Variants in CABIN1 observed in about 807,000 individuals in gnomAD.
CABIN1 encodes the protein calcineurin-binding protein cabin-1.
A neutral mutation model predicts 227.7 loss-of-function variants in CABIN1; 133 were observed. The observed-to-expected ratio is 0.58, with a 90% CI of 0.51 to 0.67. CABIN1 has a LOEUF of 0.67. Ranked by LOEUF, CABIN1 falls within the 30% of genes least tolerant of loss-of-function variation. The probability of loss-of-function intolerance (pLI) is 0.00; values close to 1 mark genes in which losing one functional copy is unlikely to be tolerated. For missense variants in CABIN1, 2,408 were observed against 2,852.5 expected (o/e 0.84, Z 3.55); for synonymous variants, 1,086 against 1,155.1 (o/e 0.94, Z 1.21).
At chr22:24,015,744 T>C (rs1489158167) in intron 1 of CABIN1, among the ~76,000 whole-genome samples, 1 of 151,944 alleles carries the variant, frequency 6.6e-6, no homozygotes, top group Non-Finnish European at 1.5e-5. Context: ...TCATTTGAGG[T>C]CTGGAGTTTG....
At chr22:24,059,474 G>A in intron 11 of CABIN1, 111 bp downstream of exon 11, 2 of 1,288,174 alleles carry the variant, frequency 1.6e-6, no homozygotes, top group African/African-American at 1.5e-5. Flanking sequence ...TTTTAGTGTG[G>A]CCAAGAGTCT....
At chr22:24,036,514 G>A (rs905196397) in intron 3 of CABIN1, among the ~76,000 whole-genome samples, 8 of 152,152 alleles carry the variant, frequency 5.3e-5, no homozygotes, top group African/African-American at 1.2e-4. Flanking sequence ...GTTCCCTAGT[G>A]TATTGCCCTC....
At chr22:24,066,951 GT>G in intron 15 of CABIN1, 35 bp from the exon 16 acceptor site, 2 of 1,596,890 alleles carry the variant, frequency 1.3e-6, no homozygotes, top group Non-Finnish European at 1.7e-6. Flanking sequence ...GGGCTGAGGG[GT>G]TTACCCTCAT....
chr22:24,068,880 C>T (rs950012723), intron 16 of CABIN1, among the ~76,000 whole-genome samples: 1 of 152,170 alleles, frequency 6.6e-6, no homozygotes, highest in African/African-American at 2.4e-5. Context: ...TTGTTCTACA[C>T]ACATAGCTTG....
At position 24,165,638 on chromosome 22, in the gene CABIN1, G is replaced by C; in HGVS notation, c.5007+12G>C. ...GCGAGCTCGCAGAGGTATGCCACCT[G>C]TGTCCTCCTCTCCTCCACGGCCCAT... On this transcript the variant is annotated intron_variant, in intron 31 of 36. Transcript: ENST00000263119. 6.2e-7 allele frequency: 1 copy of C among 1,607,614 alleles called. No individual in the cohort carries two copies. The highest frequency in any genetic ancestry group is 8.5e-7 in the Non-Finnish European group (1 of 1,176,420).
At chr22:24,170,518 GCCGCAGGC>G (rs1169607528) in intron 33 of CABIN1, among the ~76,000 whole-genome samples, 1 of 152,162 alleles carries the variant, frequency 6.6e-6, no homozygotes, top group Non-Finnish European at 1.5e-5. Flanking sequence ...CACTGGTATT[GCCGCAGGC>G]CCGCAGGGCC....
chr22:24,134,459 C>T, intron 29 of CABIN1, 44 bp downstream of exon 29: 1 of 1,496,840 alleles, frequency 6.7e-7, no homozygotes, highest in East Asian at 2.3e-5. Flanking sequence ...TTTGTTGCCA[C>T]TGCTTTTCAC....
At chr22:24,134,544 A>G in intron 29 of CABIN1, 129 bp downstream of exon 29, 1 of 732,964 alleles carries the variant, frequency 1.4e-6, no homozygotes, top group Non-Finnish European at 2.4e-6. Flanking sequence ...GAGGGCAGGC[A>G]GGGTGGTACA....
At chr22:24,095,682 C>T (rs989604580) in intron 24 of CABIN1, among the ~76,000 whole-genome samples, 1 of 152,224 alleles carries the variant, frequency 6.6e-6, no homozygotes, top group Non-Finnish European at 1.5e-5. Context: ...TTATTACTCT[C>T]ATCTCACTAC....
At chr22:24,110,043 C>T (rs1369002007) in intron 26 of CABIN1, among the ~76,000 whole-genome samples, 8 of 152,018 alleles carry the variant, frequency 5.3e-5, no homozygotes, top group East Asian at 1.9e-4. Flanking sequence ...TGGTGGGGCA[C>T]GCCTGTAGTC....
intron 1 of CABIN1, among the ~76,000 whole-genome samples, chr22:24,013,412 T>C (rs2034991337): frequency 6.6e-6 from 1 of 151,830 alleles, no homozygotes; most frequent in African/African-American, 2.4e-5. Flanking sequence ...TTAGCCAGGA[T>C]GGTCTTGATC....
chr22:24,175,894 G>C (rs1047219934), intron 34 of CABIN1: 4 of 640,384 alleles, frequency 6.2e-6, no homozygotes, highest in African/African-American at 3.6e-5. Context: ...GGAGCCCTCT[G>C]GGGGTGGGGA....
At chr22:24,040,378 T>C (rs1569107682) in intron 4 of CABIN1, among the ~76,000 whole-genome samples, 1 of 152,182 alleles carries the variant, frequency 6.6e-6, no homozygotes. Context: ...GTTCAGAACA[T>C]GAAGAGCAAT....
At chr22:24,072,610 T>A in intron 18 of CABIN1, 100 bp downstream of exon 18, 2 of 1,363,002 alleles carry the variant, frequency 1.5e-6, no homozygotes, top group Non-Finnish European at 2.1e-6. Context: ...ACGTTGTGAG[T>A]GGGGCTCAGT....
At chr22:24,093,726 A>G (rs1304196490) in intron 24 of CABIN1, among the ~76,000 whole-genome samples, 1 of 151,184 alleles carries the variant, frequency 6.6e-6, no homozygotes, top group Non-Finnish European at 1.5e-5. Context: ...CAAAAAATAA[A>G]AGATTAACAA....
intron 1 of CABIN1, among the ~76,000 whole-genome samples, chr22:24,022,326 G>A (rs2035782071): frequency 6.6e-6 from 1 of 152,044 alleles, no homozygotes; most frequent in Non-Finnish European, 1.5e-5. Context: ...CTATAGTTTT[G>A]TCATTTCAAG....
At chr22:24,022,974 A>C (rs757068962) in intron 1 of CABIN1, among the ~76,000 whole-genome samples, 3 of 152,232 alleles carry the variant, frequency 2.0e-5, no homozygotes, top group Non-Finnish European at 4.4e-5. Context: ...TGAACAATTC[A>C]GTGGCATAAA....
intron 15 of CABIN1, among the ~76,000 whole-genome samples, 159 bp from the exon 16 acceptor site, chr22:24,066,828 C>T (rs969238976): frequency 1.3e-5 from 2 of 152,178 alleles, no homozygotes; most frequent in Non-Finnish European, 2.9e-5. Flanking sequence ...TTAGTGTAAA[C>T]ACTGATGTAT....
intron 29 of CABIN1, chr22:24,156,384 T>G: frequency 2.2e-5 from 6 of 277,422 alleles, no homozygotes; most frequent in East Asian, 6.2e-5. Flanking sequence ...CAAGCCGGCT[T>G]GGGCGGCGGC....
Sources: gnomAD v4.1 joint callset for allele counts (sites outside exome capture counted in the v4.1 genomes callset) on GRCh38, gnomAD v4.1.1 for gene constraint, MANE v1.5 for transcripts, NCBI Gene and HGNC (gene_info 2026-07-23, HGNC 2026-07-21) for gene names.